The following CACNA1C variants were observed in gnomAD, a reference collection of about 807,000 sequenced individuals.
CACNA1C encodes voltage-dependent L-type calcium channel subunit alpha-1C.
A neutral mutation model predicts 229.0 loss-of-function variants in CACNA1C; 30 were observed. That is an observed-to-expected ratio of 0.13 (90% confidence interval 0.10 to 0.18). The LOEUF (loss-of-function observed/expected upper bound fraction) is 0.18. CACNA1C is among the 10% of genes least tolerant of loss of function. The probability of loss-of-function intolerance (pLI) is 1.00; values close to 1 mark genes in which losing one functional copy is unlikely to be tolerated. For missense variants in CACNA1C, 1,658 were observed against 2,845.0 expected (o/e 0.58, Z 9.49); for synonymous variants, 1,114 against 1,132.5 (o/e 0.98, Z 0.33).
At chr12:2,139,666 G>A (rs114103353) in intron 3 of CACNA1C, among the ~76,000 whole-genome samples, 4,935 of 151,296 alleles carry the variant, frequency 0.033, 245 homozygotes, top group African/African-American at 0.09. Context: ...CTGAGGGACC[G>A]TGGCATGTGT....
Position 2,130,026 on chromosome 12 carries a change from C to T in CACNA1C, c.477+9596C>T, listed in dbSNP as rs548502328. Among the ~76,000 whole-genome samples, 12 of 152,120 alleles carry T rather than the reference C, an allele frequency of 7.9e-5. No homozygotes were observed. The South Asian group carries it at 1.5e-3, about 18-fold the overall frequency. ...TGGCTTCTTAGAAGCCATTTTTCCC[C>T]TTTATTCTCTTTGTTCTCTCTAGTT... On this transcript the variant is annotated intron_variant, in intron 3 of 46. Coordinates refer to ENST00000399655, the MANE Select transcript of CACNA1C (RefSeq NM_000719.7).
At chr12:2,331,531 C>T (rs1282558557) in intron 3 of CACNA1C, among the ~76,000 whole-genome samples, 1 of 152,210 alleles carries the variant, frequency 6.6e-6, no homozygotes, top group Non-Finnish European at 1.5e-5. Flanking sequence ...CTGCCTAAAT[C>T]CCGGATAATT....
At chr12:1,992,002 C>A in intron 1 of CACNA1C, 2 of 266,796 alleles carry the variant, frequency 7.5e-6, no homozygotes, top group Non-Finnish European at 8.0e-6. Flanking sequence ...CCTGACATAA[C>A]TATAAGCACA....
chr12:2,619,934 C>G (rs1057481904), intron 29 of CACNA1C, among the ~76,000 whole-genome samples: 3 of 152,140 alleles, frequency 2.0e-5, no homozygotes, highest in African/African-American at 7.2e-5. Flanking sequence ...AGTTCACCCT[C>G]TCATTTGTCA....
At chr12:2,393,010 A>G (rs888651099) in intron 3 of CACNA1C, among the ~76,000 whole-genome samples, 2 of 152,158 alleles carry the variant, frequency 1.3e-5, no homozygotes, top group African/African-American at 4.8e-5. Context: ...TTAGCACAGC[A>G]AAGTACTGTC....
At chr12:2,579,417 G>A (rs1430845333) in intron 13 of CACNA1C, among the ~76,000 whole-genome samples, 1 of 152,070 alleles carries the variant, frequency 6.6e-6, no homozygotes, top group Non-Finnish European at 1.5e-5. Context: ...CCAACTCCCA[G>A]TGTATTGGCA....
intron 3 of CACNA1C, among the ~76,000 whole-genome samples, chr12:2,371,998 C>G (rs183549455): frequency 1.2e-4 from 18 of 152,148 alleles, no homozygotes; most frequent in South Asian, 2.1e-4. Flanking sequence ...GAATATTGCT[C>G]ATGGACTTCA....
intron 3 of CACNA1C, among the ~76,000 whole-genome samples, chr12:2,224,662 C>T (rs989727464): frequency 2.6e-5 from 4 of 152,136 alleles, no homozygotes; most frequent in African/African-American, 9.7e-5. Flanking sequence ...GAGTAGCTTA[C>T]TTTGCCATCA....
At chr12:2,449,505 G>A (rs2099335899) in intron 4 of CACNA1C, among the ~76,000 whole-genome samples, 1 of 152,204 alleles carries the variant, frequency 6.6e-6, no homozygotes, top group South Asian at 2.1e-4. Context: ...TGTCTCACCA[G>A]TACATCCCTC....
chr12:2,564,280 C>G (rs879583510), intron 11 of CACNA1C, among the ~76,000 whole-genome samples: 3 of 152,172 alleles, frequency 2.0e-5, no homozygotes, highest in Admixed American at 1.3e-4. Flanking sequence ...CAGGCATGAC[C>G]TACTCAATAG....
chr12:2,296,786 TG>T (rs2094086226), intron 3 of CACNA1C, among the ~76,000 whole-genome samples: 1 of 152,230 alleles, frequency 6.6e-6, no homozygotes, highest in African/African-American at 2.4e-5. Flanking sequence ...GCCATCTGCA[TG>T]GGGTGGAAAT....
chr12:1,981,638 C>T (rs1025947823), intron 1 of CACNA1C, among the ~76,000 whole-genome samples: 9 of 152,244 alleles, frequency 5.9e-5, no homozygotes, highest in African/African-American at 1.4e-4. Context: ...ATAGCTTATT[C>T]GTTACTGCCA....
At position 2,493,127 on chromosome 12, in the gene CACNA1C, T is replaced by G; in HGVS notation, c.917-63T>G. The G allele has an allele frequency of 7.0e-7, 1 of 1,430,238 alleles. No individual in the cohort carries two copies. Among genetic ancestry groups the G allele is most frequent in the Non-Finnish European group, 9.8e-7 (1 of 1,019,860 alleles). 88.6% of individuals were successfully genotyped at this position (1,430,238 alleles called of 1,614,324 possible). ...CCTGTCACTTTTCTCTCTGACTTCTTTCTCTGCCCACATCTCTCCCTCCCT... is the reference window on the plus strand; with the variant it reads ...CCTGTCACTTTTCTCTCTGACTTCTGTCTCTGCCCACATCTCTCCCTCCCT... On this transcript the variant is annotated intron_variant, in intron 6 of 46. Transcript: ENST00000399655. The surrounding 1 kb of genome is among the most constrained non-coding windows in gnomAD (Gnocchi z 4.6).
At chr12:2,243,283 G>T (rs945386336) in intron 3 of CACNA1C, among the ~76,000 whole-genome samples, 2 of 152,222 alleles carry the variant, frequency 1.3e-5, no homozygotes, top group African/African-American at 4.8e-5. Flanking sequence ...GAAGTCTAGT[G>T]CAGAGAGGCC....
intron 29 of CACNA1C, among the ~76,000 whole-genome samples, chr12:2,617,345 C>T (rs964206005): frequency 6.6e-5 from 10 of 152,326 alleles, no homozygotes; most frequent in African/African-American, 1.7e-4. Flanking sequence ...AGCCTTGCCC[C>T]GGTCTCACTG....
At position 2,287,123 on chromosome 12, in the gene CACNA1C, T is replaced by A. The variant is rs2092796831; in HGVS notation, c.478-161853T>A. ...CCAGTTGACAGAGGGCTCTTTACCG[T>A]TAGGACCCCTTCTGGGTTTCTCAAA... On this transcript the variant is annotated intron_variant, in intron 3 of 46. Transcript: ENST00000399655. The surrounding 1 kb of genome is among the most constrained non-coding windows in gnomAD (Gnocchi z 4.6). 6.6e-6 allele frequency among the ~76,000 whole-genome samples: 1 copy of A among 152,198 alleles called. No individual in the cohort carries two copies. The highest frequency in any genetic ancestry group is 1.5e-5 in the Non-Finnish European group (1 of 68,010).
chr12:2,065,075 C>T (rs2058844817), intron 1 of CACNA1C, among the ~76,000 whole-genome samples: 1 of 152,258 alleles, frequency 6.6e-6, no homozygotes, highest in African/African-American at 2.4e-5. Flanking sequence ...GCCCTGCTCA[C>T]AGGTGCCTCT....
At chr12:2,521,800 C>T (rs1369371084) in intron 9 of CACNA1C, among the ~76,000 whole-genome samples, 1 of 152,210 alleles carries the variant, frequency 6.6e-6, no homozygotes, top group Non-Finnish European at 1.5e-5. Flanking sequence ...TGCCTTCCAG[C>T]CCCGTTCCCA....
intron 7 of CACNA1C, among the ~76,000 whole-genome samples, chr12:2,500,614 C>A (rs1409778310): frequency 6.6e-6 from 1 of 152,158 alleles, no homozygotes; most frequent in African/African-American, 2.4e-5. Context: ...ACTGGCTGCT[C>A]CCACGTGTCC....
Sources: allele counts gnomAD v4.1 joint callset (sites outside exome capture counted in the v4.1 genomes callset), GRCh38; gene constraint gnomAD v4.1.1; non-coding constraint Gnocchi (gnomAD v3.1); transcripts MANE v1.5; gene names NCBI Gene and HGNC (gene_info 2026-07-23, HGNC 2026-07-21).